The following FAM50A variants were observed in gnomAD, a reference collection of about 807,000 sequenced individuals.
FAM50A encodes family with sequence similarity 50 member A.
FAM50A carries 6 observed loss-of-function variants against 35.5 expected under a neutral mutation model. That is an observed-to-expected ratio of 0.17 (90% confidence interval 0.09 to 0.33). FAM50A has a LOEUF of 0.33. Ranked by LOEUF, FAM50A falls within the 10% of genes least tolerant of loss-of-function variation. FAM50A has a pLI of 1.00. For missense variants in FAM50A, 145 were observed against 295.5 expected, an observed-to-expected ratio of 0.49 and a Z score of 3.73; for synonymous variants, 120 against 110.9, an observed-to-expected ratio of 1.08 and a Z score of -0.52.
In FAM50A at chrX:154,449,924, G is replaced by C; in HGVS notation, c.822G>C (p.Gly274=). 8.3e-7 allele frequency: 1 copy of C among 1,211,566 alleles called. No homozygotes were observed. Among genetic ancestry groups the C allele is most frequent in the South Asian group, 1.8e-5 (1 of 57,016 alleles). ...ACTTCATCGTCACCAAGGCACGGGG[G>C]AAGAGTGGTGAGTGCCGCCGACCCA... ...FYDFIVTKAR[G]KSGPLFNFDV... The change falls in exon 10 of 13, where the codon GGG becomes GGC. Residue 274 remains glycine (G), a synonymous_variant. Coordinates refer to ENST00000393600, the MANE Select transcript of FAM50A (RefSeq NM_004699.4).
At position 154,447,149 on chromosome X, in the gene FAM50A, T is replaced by C. The variant is rs997500737; in HGVS notation, c.442+589T>C. ...CAGGGGTCAAGGAAGGAGGGGAGGG[T>C]TGAGTTAGGCCCTAAGGATGAGGGG... is the stretch of plus-strand genomic sequence containing the variant. On this transcript the variant is annotated intron_variant, in intron 4 of 12. Coordinates refer to ENST00000393600, the MANE Select transcript of FAM50A (RefSeq NM_004699.4). Among the ~76,000 whole-genome samples the C allele has an allele frequency of 3.6e-5, 4 of 110,186 alleles. No homozygotes were observed. In the Admixed American group the frequency reaches 3.8e-4, roughly 11 times the overall value.
chrX:154,450,286 C>G lies in FAM50A; in HGVS notation c.978C>G (p.Pro326=). 1 of 1,211,130 alleles carries G rather than the reference C, an allele frequency of 8.3e-7. No homozygotes were observed. The change falls in exon 12 of 13, where the codon CCC becomes CCG. Residue 326 remains proline (P), a synonymous_variant. Transcript: ENST00000393600. The part of the protein sequence containing the change: ...KHIFPASRWE[P]YDPEKKWDKY... ...TCTTTCCCGCCAGCCGCTGGGAACC[C>G]TACGACCCTGAAAAGAAGTGGGACA... is the stretch of plus-strand genomic sequence containing the variant.
Position 154,450,020 on chromosome X carries a change from C to T in FAM50A, c.830-9C>T, listed in dbSNP as rs893726478. The T allele has an allele frequency of 4.1e-6, 5 of 1,210,857 alleles. No homozygotes were observed. The highest frequency in any genetic ancestry group is 4.5e-6 in the Non-Finnish European group (4 of 894,647). ...AGCGGGACATTGGGCTGTCACTTCT[C>T]CCCTGCAGGACCACTCTTCAACTTT... On this transcript the variant is annotated splice_polypyrimidine_tract_variant and intron_variant, in intron 10 of 12. Transcript: ENST00000393600.
intron 10 of FAM50A, 22 bp downstream of exon 10, chrX:154,449,953 GC>G: frequency 8.3e-7 from 1 of 1,209,739 alleles, no homozygotes; most frequent in Non-Finnish European, 1.1e-6. Context: ...CGACCCAGCC[GC>G]CCCCATAGCA....
intron 8 of FAM50A, 142 bp downstream of exon 8, chrX:154,449,439 G>C: frequency 3.7e-6 from 2 of 545,547 alleles, no homozygotes; most frequent in Non-Finnish European, 6.3e-6. Context: ...AGGGGGTCAG[G>C]CTCCTCTTCC....
rs893726478 is a variant in FAM50A at position 154,450,020 on chromosome X, C to A, written c.830-9C>A. ...AGCGGGACATTGGGCTGTCACTTCT[C>A]CCCTGCAGGACCACTCTTCAACTTT... On this transcript the variant is annotated splice_polypyrimidine_tract_variant and intron_variant, in intron 10 of 12. Coordinates refer to ENST00000393600, the MANE Select transcript of FAM50A (RefSeq NM_004699.4). 11 of 1,208,898 alleles carry A rather than the reference C, an allele frequency of 9.1e-6. No homozygotes were observed. The highest frequency in any genetic ancestry group is 1.8e-5 in the African/African-American group (1 of 57,006).
In FAM50A at chrX:154,444,215, G is replaced by GC. The variant is rs1432053581; in HGVS notation, c.-19dup. 2 of 792,933 alleles carry GC rather than the reference G, an allele frequency of 2.5e-6. No homozygotes were observed. The highest frequency in any genetic ancestry group is 2.4e-5 in the African/African-American group (1 of 41,472). 65.3% of individuals were successfully genotyped at this position (792,933 alleles called of 1,213,427 possible). On this transcript the variant is annotated 5_prime_UTR_variant, in exon 1 of 13. Transcript: ENST00000393600. The stretch of plus-strand genomic sequence containing the variant: ...GCCGCCGCCGCCGCCCGCCGCCGCC[G>GC]CCGCCGCCGCCGCCGCTGCCATGGC...
Position 154,444,155 on chromosome X carries a change from C to A in FAM50A, c.-81C>A. Reference sequence around the variant, plus strand: ...GCGCGGGCGTCAGCTGACTGTTCGGCCGCCACCGCCGCTGCCGCTGCCGCT... The same window carrying A: ...GCGCGGGCGTCAGCTGACTGTTCGGACGCCACCGCCGCTGCCGCTGCCGCT... On this transcript the variant is annotated 5_prime_UTR_variant, in exon 1 of 13. Transcript: ENST00000393600. The A allele has an allele frequency of 3.7e-6, 1 of 266,700 alleles. No individual in the cohort carries two copies. Among genetic ancestry groups the A allele is most frequent in the Non-Finnish European group, 5.2e-6 (1 of 193,386 alleles). 22.0% of individuals were successfully genotyped at this position (266,700 alleles called of 1,213,427 possible).
At chrX:154,444,678 GCTCTGGCCCCTCGGCCCTCAGAGCCAGGC>G (rs1256524074) in intron 1 of FAM50A, 6 of 128,439 alleles carry the variant, frequency 4.7e-5, no homozygotes, top group Non-Finnish European at 9.4e-5. Flanking sequence ...CAGCGTCCTG[GCTCTGGCCCCTCGGCCCTCAGAGCCAGGC>G]CTCTGCCCCC....
rs781847663 is a variant in FAM50A at position 154,448,072 on chromosome X, C to CTTTTTTTTTT, written c.443-407_443-398dup. Among the ~76,000 whole-genome samples, 20 of 82,844 alleles carry CTTTTTTTTTT rather than the reference C, an allele frequency of 2.4e-4. 1 individual carries two copies. The highest frequency in any genetic ancestry group is 9.4e-4 in the African/African-American group (17 of 18,016). 71.9% of individuals were successfully genotyped at this position (82,844 alleles called of 115,157 possible). A position where few individuals can be genotyped will look rare whatever the true frequency, so the allele number is the denominator to read the frequency against. Reference sequence around the variant, plus strand: ...TGTTGTTCTTTTCTTTTTTTTCTTTCTTTTTTTTTTTTTTGAGATGAGGTC... The same window carrying CTTTTTTTTTT: ...TGTTGTTCTTTTCTTTTTTTTCTTTCTTTTTTTTTTTTTTTTTTTTTTTTGAGATGAGGTC... On this transcript the variant is annotated intron_variant, in intron 4 of 12. Coordinates refer to ENST00000393600, the MANE Select transcript of FAM50A (RefSeq NM_004699.4).
Position 154,445,915 on chromosome X carries a change from G to T in FAM50A, c.296+4G>T, listed in dbSNP as rs782751834. On this transcript the variant is annotated splice_donor_region_variant and intron_variant, in intron 3 of 12. Coordinates refer to ENST00000393600, the MANE Select transcript of FAM50A (RefSeq NM_004699.4). ...AGCAGTCCAAGGAGCTGCAGATGTGGGTCCTCTCGCCGCAGCCCTCAACAT... is the reference window on the plus strand; with the variant it reads ...AGCAGTCCAAGGAGCTGCAGATGTGTGTCCTCTCGCCGCAGCCCTCAACAT... 3.4e-6 allele frequency: 4 copies of T among 1,191,527 alleles called. No homozygotes were observed. The highest frequency in any genetic ancestry group is 4.6e-6 in the Non-Finnish European group (4 of 878,666).
intron 3 of FAM50A, 45 bp from the exon 4 acceptor site, chrX:154,446,370 T>A (rs782664727): frequency 8.7e-7 from 1 of 1,154,244 alleles, no homozygotes; most frequent in South Asian, 1.8e-5. Context: ...TGGGTCAGGG[T>A]CGGGAAGGAC....
chrX:154,450,337 G>A lies in FAM50A; in HGVS notation c.1011+18G>A. 8.3e-7 allele frequency: 1 copy of A among 1,202,272 alleles called. No homozygotes were observed. Among genetic ancestry groups the A allele is most frequent in the Non-Finnish European group, 1.1e-6 (1 of 886,631 alleles). On this transcript the variant is annotated intron_variant, in intron 12 of 12. Transcript: ENST00000393600. ...AGTACACGGTGAGGAGGGGCTGGCAGGGACCCCTCCAAGTTGGGGACGGCA... is the reference window on the plus strand; with the variant it reads ...AGTACACGGTGAGGAGGGGCTGGCAAGGACCCCTCCAAGTTGGGGACGGCA...
Position 154,449,294 on chromosome X carries a change from T to C in FAM50A, c.722T>C (p.Leu241Pro). 1 of 1,195,764 alleles carries C rather than the reference T, an allele frequency of 8.4e-7. No homozygotes were observed. The highest frequency in any genetic ancestry group is 1.1e-6 in the Non-Finnish European group (1 of 880,549). ...ATCCTTCGGAAAGACTTCAGTGAGCTGAGGTGTGAGGTGTGCGTGTGTGCA... is the reference window on the plus strand; with the variant it reads ...ATCCTTCGGAAAGACTTCAGTGAGCCGAGGTGTGAGGTGTGCGTGTGTGCA... ...LEILRKDFSELRSAGVEQLMY... is the reference protein window; with the variant it reads ...LEILRKDFSEPRSAGVEQLMY... Residue 241 changes from leucine (L) to proline (P), a missense_variant, in exon 8 of 13, where the codon CTG (leucine) becomes CCG (proline). This residue lies in a region of FAM50A where 59 missense variants were observed against 164.5 expected (regional missense o/e 0.36). Coordinates refer to ENST00000393600, the MANE Select transcript of FAM50A (RefSeq NM_004699.4).
chrX:154,444,196 GCCGCCGC>G lies in FAM50A; in HGVS notation c.-31_-25del. The stretch of plus-strand genomic sequence containing the variant: ...CGCTGCCGCTGTCGCTGTCGCCGCC[GCCGCCGC>G]CCGCCGCCGCCGCCGCCGCCGCCGC... On this transcript the variant is annotated 5_prime_UTR_variant, in exon 1 of 13. Transcript: ENST00000393600. The G allele has an allele frequency of 1.7e-6, 1 of 584,944 alleles. No homozygotes were observed. Among genetic ancestry groups the G allele is most frequent in the East Asian group, 1.1e-4 (1 of 8,978 alleles). 48.2% of individuals were successfully genotyped at this position (584,944 alleles called of 1,213,427 possible). A position where few individuals can be genotyped will look rare whatever the true frequency, so the allele number is the denominator to read the frequency against.
chrX:154,450,026 C>A lies in FAM50A; in HGVS notation c.830-3C>A, dbSNP rs1557200359. ...ACATTGGGCTGTCACTTCTCCCCTG[C>A]AGGACCACTCTTCAACTTTGATGTT... On this transcript the variant is annotated splice_region_variant and splice_polypyrimidine_tract_variant and intron_variant, in intron 10 of 12. Transcript: ENST00000393600. The A allele has an allele frequency of 4.1e-6, 5 of 1,210,974 alleles. No homozygotes were observed. The highest frequency in any genetic ancestry group is 5.6e-6 in the Non-Finnish European group (5 of 894,780).
chrX:154,447,471 C>T (rs1196085515), intron 4 of FAM50A, among the ~76,000 whole-genome samples: 2 of 111,789 alleles, frequency 1.8e-5, no homozygotes, highest in African/African-American at 3.3e-5. Context: ...TTCCATGTTC[C>T]AGCAGCCACA....
At position 154,448,683 on chromosome X, in the gene FAM50A, C is replaced by G. The variant is rs2068791884; in HGVS notation, c.520-7C>G. On this transcript the variant is annotated splice_polypyrimidine_tract_variant and splice_region_variant and intron_variant, in intron 5 of 12. Coordinates refer to ENST00000393600, the MANE Select transcript of FAM50A (RefSeq NM_004699.4). Reference sequence around the variant, plus strand: ...GGCCTCACCTGTCTGCCTGCTCCCTCTCCCAGGAGGAGGAGAATCGGCTTC... The same window carrying G: ...GGCCTCACCTGTCTGCCTGCTCCCTGTCCCAGGAGGAGGAGAATCGGCTTC... The G allele has an allele frequency of 8.3e-7, 1 of 1,207,451 alleles. No individual in the cohort carries two copies. The highest frequency in any genetic ancestry group is 1.8e-5 in the South Asian group (1 of 56,743).
rs1471466800 is a variant in FAM50A at position 154,446,150 on chromosome X, C to T, written c.296+239C>T. On this transcript the variant is annotated intron_variant, in intron 3 of 12. Transcript: ENST00000393600. ...ATGCAGTGGGCCCTTTCCCAGCATC[C>T]GGTGCCTGAGCAGCCTGCGTTCTCC... 26 of 444,275 alleles carry T rather than the reference C, an allele frequency of 5.9e-5. No individual in the cohort carries two copies. In the East Asian group the frequency reaches 8.1e-4, roughly 14 times the overall value. The allele number at this position is 444,275 out of a possible 1,213,427, so 36.6% of individuals were successfully genotyped here.
Sources: allele counts gnomAD v4.1 joint callset (sites outside exome capture counted in the v4.1 genomes callset), GRCh38; gene constraint gnomAD v4.1.1; regional missense constraint gnomAD v4.1.1; transcripts MANE v1.5; gene names NCBI Gene and HGNC (gene_info 2026-07-23, HGNC 2026-07-21).